The following OR7A17 variants were observed in gnomAD, a reference collection of about 807,000 sequenced individuals.
The protein encoded by OR7A17 is olfactory receptor family 7 subfamily A member 17.
For missense variants in OR7A17, 366 were observed against 365.5 expected, an observed-to-expected ratio of 1.00 and a Z score of -0.01; for synonymous variants, 159 against 142.1, an observed-to-expected ratio of 1.12 and a Z score of -0.85.
intron 1 of OR7A17, among the ~76,000 whole-genome samples, chr19:14,882,800 C>G (rs893782454): frequency 6.6e-6 from 1 of 152,016 alleles, no homozygotes; most frequent in Admixed American, 6.5e-5. Flanking sequence ...GCTAAAGGTG[C>G]GTGCGCGCAC....
At chr19:14,882,081 C>T (rs1174391795) in intron 1 of OR7A17, among the ~76,000 whole-genome samples, 1 of 128,316 alleles carries the variant, frequency 7.8e-6, no homozygotes, top group Non-Finnish European at 1.7e-5. Flanking sequence ...AGACCACGCT[C>T]TCTCGCTCTC....
Position 14,880,303 on chromosome 19 carries a change from T to G in OR7A17, c.*123A>C. 2 of 758,860 alleles carry G rather than the reference T, an allele frequency of 2.6e-6. No homozygotes were observed. Among genetic ancestry groups the G allele is most frequent in the Non-Finnish European group, 4.1e-6 (2 of 488,318 alleles). The allele number at this position is 758,860 out of a possible 1,614,324, so 47.0% of individuals were successfully genotyped here. A position where few individuals can be genotyped will look rare whatever the true frequency, so the allele number is the denominator to read the frequency against. On this transcript the variant is annotated 3_prime_UTR_variant, in exon 3 of 3. Coordinates refer to ENST00000641113, the MANE Select transcript of OR7A17 (RefSeq NM_030901.2). ...CTATGTCAGTTGAGATCAAAGAAAT[T>G]GAAACTCTGAGAAAAAATAGAAGGA...
chr19:14,880,984 C>T lies in OR7A17; in HGVS notation c.372G>A (p.Val124=). 1 of 1,614,114 alleles carries T rather than the reference C, an allele frequency of 6.2e-7. No homozygotes were observed. The highest frequency in any genetic ancestry group is 8.5e-7 in the Non-Finnish European group (1 of 1,180,020). ...LLAVMAYDRF[V]AICHPLHYTV... ...TGTAGTGCAGAGGATGACAGATGGC[C>T]ACAAACCGATCATAGGCCATCACAG... Residue 124 remains valine (V), a synonymous_variant, in exon 3 of 3, where the codon GTG becomes GTA. Coordinates refer to ENST00000641113, the MANE Select transcript of OR7A17 (RefSeq NM_030901.2).
Position 14,880,280 on chromosome 19 carries a change from A to C in OR7A17, c.*146T>G, listed in dbSNP as rs185192397. ...TTTATAAAGGAATACATTAAATTCT[A>C]TGTCAGTTGAGATCAAAGAAATTGA... On this transcript the variant is annotated 3_prime_UTR_variant, in exon 3 of 3. Coordinates refer to ENST00000641113, the MANE Select transcript of OR7A17 (RefSeq NM_030901.2). 2 of 560,422 alleles carry C rather than the reference A, an allele frequency of 3.6e-6. No homozygotes were observed. Among genetic ancestry groups the C allele is most frequent in the Non-Finnish European group, 6.0e-6 (2 of 331,768 alleles). The allele number at this position is 560,422 out of a possible 1,614,324, so 34.7% of individuals were successfully genotyped here.
chr19:14,881,030 C>G lies in OR7A17; in HGVS notation c.326G>C (p.Gly109Ala). The stretch of plus-strand genomic sequence containing the variant: ...CACAGCCAGGAGTAAGCTGTCTAAC[C>G]CTCCAAAAAGTACAAAAAAGCACAT... Reference protein sequence around the residue: ...TQMCFFVLFGGLDSLLLAVMA... With the variant: ...TQMCFFVLFGALDSLLLAVMA... The change falls in exon 3 of 3, where the codon GGG becomes GCG. Residue 109 changes from glycine (G) to alanine (A), a missense_variant. Physicochemically the swap from Gly to Ala is moderately conservative, Grantham distance 60. Coordinates refer to ENST00000641113, the MANE Select transcript of OR7A17 (RefSeq NM_030901.2). 1 of 1,614,096 alleles carries G rather than the reference C, an allele frequency of 6.2e-7. No individual in the cohort carries two copies. Among genetic ancestry groups the G allele is most frequent in the Non-Finnish European group, 8.5e-7 (1 of 1,180,022 alleles).
rs2075387445 is a variant in OR7A17 at position 14,880,231 on chromosome 19, AT to A, written c.*194del. The A allele has an allele frequency of 3.6e-6, 1 of 275,030 alleles. No individual in the cohort carries two copies. Among genetic ancestry groups the A allele is most frequent in the South Asian group, 1.3e-4 (1 of 7,734 alleles). The allele number at this position is 275,030 out of a possible 1,614,324, so 17.0% of individuals were successfully genotyped here. ...TGACAAAAAAAAAAAAAAAAAAAAG[AT>A]TGGATATCAGAGAGCGGAAAGCTTT... On this transcript the variant is annotated 3_prime_UTR_variant, in exon 3 of 3. Coordinates refer to ENST00000641113, the MANE Select transcript of OR7A17 (RefSeq NM_030901.2).
At chr19:14,885,328 A>G (rs1033135612) in intron 1 of OR7A17, among the ~76,000 whole-genome samples, 4 of 152,232 alleles carry the variant, frequency 2.6e-5, no homozygotes, top group Non-Finnish European at 4.4e-5. Context: ...AAAGAGAGGA[A>G]GTCAAATTGT....
At chr19:14,885,841 C>G (rs1360939312) in intron 1 of OR7A17, 100 bp downstream of exon 1, 3 of 152,158 alleles carry the variant, frequency 2.0e-5, no homozygotes, top group Non-Finnish European at 4.4e-5. Flanking sequence ...AGGAACAAAG[C>G]TGGAGGAAAT....
intron 1 of OR7A17, among the ~76,000 whole-genome samples, chr19:14,883,304 G>T (rs1039730895): frequency 6.6e-6 from 1 of 152,184 alleles, no homozygotes; most frequent in African/African-American, 2.4e-5. Context: ...GCCAGGTGTG[G>T]AGGCAGGTGG....
Position 14,881,012 on chromosome 19 carries a change from A to G in OR7A17, c.344T>C (p.Leu115Pro), listed in dbSNP as rs772671683. ...VLFGGLDSLLLAVMAYDRFVA... is the reference protein window; with the variant it reads ...VLFGGLDSLLPAVMAYDRFVA... ...AAACCGATCATAGGCCATCACAGCC[A>G]GGAGTAAGCTGTCTAACCCTCCAAA... Residue 115 changes from leucine (L) to proline (P), a missense_variant, in exon 3 of 3, where the codon CTG becomes CCG. Leu to Pro is a moderately conservative substitution (Grantham distance 98). Transcript: ENST00000641113. The G allele has an allele frequency of 6.2e-7, 1 of 1,614,244 alleles. No homozygotes were observed. The highest frequency in any genetic ancestry group is 8.5e-7 in the Non-Finnish European group (1 of 1,180,034).
intron 1 of OR7A17, among the ~76,000 whole-genome samples, chr19:14,883,695 C>T (rs567585785): frequency 9.0e-4 from 137 of 151,990 alleles, no homozygotes; most frequent in African/African-American, 2.5e-3. Context: ...AGCAATGAGA[C>T]GTGATAAAAT....
rs762727312 is a variant in OR7A17 at position 14,881,025 on chromosome 19, C to T, written c.331G>A (p.Asp111Asn). Reference sequence around the variant, plus strand: ...GCCATCACAGCCAGGAGTAAGCTGTCTAACCCTCCAAAAAGTACAAAAAAG... The same window carrying T: ...GCCATCACAGCCAGGAGTAAGCTGTTTAACCCTCCAAAAAGTACAAAAAAG... ...MCFFVLFGGL[D>N]SLLLAVMAYD... The change falls in exon 3 of 3, where the codon GAC becomes AAC. Residue 111 changes from aspartate to asparagine, a missense_variant. Asp to Asn is a conservative substitution (Grantham distance 23, BLOSUM62 1). Coordinates refer to ENST00000641113, the MANE Select transcript of OR7A17 (RefSeq NM_030901.2). 1.9e-6 allele frequency: 3 copies of T among 1,614,164 alleles called. No homozygotes were observed. Among genetic ancestry groups the T allele is most frequent in the East Asian group, 2.2e-5 (1 of 44,884 alleles).
chr19:14,883,080 C>A (rs188554954), intron 1 of OR7A17, among the ~76,000 whole-genome samples: 33 of 152,260 alleles, frequency 2.2e-4, no homozygotes, highest in African/African-American at 7.7e-4. Context: ...TTTTGACAGT[C>A]CTATGGAATT....
At position 14,879,743 on chromosome 19, in the gene OR7A17, G is replaced by A. The variant is rs1352717572; in HGVS notation, c.*683C>T. The A allele has an allele frequency of 6.6e-6, 1 of 152,128 alleles. No individual in the cohort carries two copies. The highest frequency in any genetic ancestry group is 2.4e-5 in the African/African-American group (1 of 41,394). 9.4% of individuals were successfully genotyped at this position (152,128 alleles called of 1,614,324 possible). A position where few individuals can be genotyped will look rare whatever the true frequency, so the allele number is the denominator to read the frequency against. On this transcript the variant is annotated 3_prime_UTR_variant, in exon 3 of 3. Transcript: ENST00000641113. ...GTTCGAGACCAGCCTGGCCAACATG[G>A]TGAAACCCCTTCCCTACTAAAAATA... is the stretch of plus-strand genomic sequence containing the variant.
chr19:14,882,444 G>T (rs73508572), intron 1 of OR7A17, among the ~76,000 whole-genome samples: 1 of 152,214 alleles, frequency 6.6e-6, no homozygotes, highest in Admixed American at 6.5e-5. Context: ...GGGGAAGGAA[G>T]GCTCAGTGGA....
intron 1 of OR7A17, 133 bp from the exon 2 acceptor site, chr19:14,882,004 C>T (rs1024930474): frequency 2.6e-5 from 4 of 152,116 alleles, no homozygotes; most frequent in Non-Finnish European, 1.5e-5. Context: ...AAGCTGTTTT[C>T]TATGTTTTGT....
At chr19:14,883,528 C>A (rs1472385403) in intron 1 of OR7A17, among the ~76,000 whole-genome samples, 1 of 151,996 alleles carries the variant, frequency 6.6e-6, no homozygotes, top group Non-Finnish European at 1.5e-5. Context: ...CATATGATTT[C>A]ATCCTTGAGG....
Position 14,880,492 on chromosome 19 carries a change from A to C in OR7A17, c.864T>G (p.Phe288Leu). ...TGTCTTTATTCCTCAGACTGTAGAT[A>C]AAGGGGTTCAGCATGGGGGTGGCCA... ...YTVATPMLNP[F>L]IYSLRNKDIK... The change falls in exon 3 of 3, where the codon TTT becomes TTG. Residue 288 changes from phenylalanine to leucine, a missense_variant. Transcript: ENST00000641113. 6.2e-7 allele frequency: 1 copy of C among 1,614,058 alleles called. No homozygotes were observed. The highest frequency in any genetic ancestry group is 2.2e-5 in the East Asian group (1 of 44,878).
chr19:14,884,989 T>C (rs10413742), intron 1 of OR7A17, among the ~76,000 whole-genome samples: 17,224 of 152,194 alleles, frequency 0.11, 1,101 homozygotes, highest in South Asian at 0.2. Flanking sequence ...AATCAATAAA[T>C]GTAATCCATC....
Sources: allele counts gnomAD v4.1 joint callset (sites outside exome capture counted in the v4.1 genomes callset), GRCh38; gene constraint gnomAD v4.1.1; transcripts MANE v1.5; gene names NCBI Gene and HGNC (gene_info 2026-07-23, HGNC 2026-07-21).